ZFPM1: variants seen among roughly 807,000 people sequenced by gnomAD.
ZFPM1 encodes zinc finger protein ZFPM1.
Under a neutral mutation model 46.3 loss-of-function variants are expected in ZFPM1, and 28 were observed. That is an observed-to-expected ratio of 0.60 (90% CI 0.45 to 0.83). The LOEUF (loss-of-function observed/expected upper bound fraction) is 0.83. Ranked by LOEUF, ZFPM1 falls within the 40% of genes least tolerant of loss-of-function variation. The pLI is 0.00. For missense variants in ZFPM1, 1,878 were observed against 1,432.4 expected, an observed-to-expected ratio of 1.31 and a Z score of -5.02; for synonymous variants, 957 against 675.9, an observed-to-expected ratio of 1.42 and a Z score of -6.45.
At chr16:88,510,457 T>C (rs1325255470) in intron 3 of ZFPM1, among the ~76,000 whole-genome samples, 1 of 152,218 alleles carries the variant, frequency 6.6e-6, no homozygotes, top group Non-Finnish European at 1.5e-5. Flanking sequence ...CTTTCAATCA[T>C]ATAAATATGC....
chr16:88,501,336 G>GA (rs1322964472), intron 3 of ZFPM1, among the ~76,000 whole-genome samples: 4 of 53,572 alleles, frequency 7.5e-5, no homozygotes, highest in African/African-American at 2.2e-4. Context: ...CATGGGTGCG[G>GA]GGCCCTCCCG....
chr16:88,455,469 A>T (rs1247935099), intron 1 of ZFPM1, among the ~76,000 whole-genome samples: 1 of 152,064 alleles, frequency 6.6e-6, no homozygotes, highest in African/African-American at 2.4e-5. Context: ...CCCATGGCAG[A>T]TCTCAGCACG....
intron 1 of ZFPM1, among the ~76,000 whole-genome samples, chr16:88,481,627 G>A (rs555086174): frequency 7.2e-5 from 11 of 151,910 alleles, no homozygotes; most frequent in East Asian, 1.9e-4. Flanking sequence ...TGCCACAGCC[G>A]TCACCGAGTC....
chr16:88,511,906 T>C (rs1910986347), intron 3 of ZFPM1, among the ~76,000 whole-genome samples: 1 of 152,092 alleles, frequency 6.6e-6, no homozygotes, highest in Non-Finnish European at 1.5e-5. Flanking sequence ...GGGAGATGGG[T>C]TGTCATGGTG....
At chr16:88,460,227 C>A (rs1907755431) in intron 1 of ZFPM1, among the ~76,000 whole-genome samples, 1 of 152,222 alleles carries the variant, frequency 6.6e-6, no homozygotes, top group African/African-American at 2.4e-5. Flanking sequence ...TGGGTCCAGG[C>A]AGCCAAGCGA....
intron 1 of ZFPM1, among the ~76,000 whole-genome samples, chr16:88,474,419 C>T (rs1048092363): frequency 4.6e-5 from 7 of 152,172 alleles, no homozygotes; most frequent in Admixed American, 1.3e-4. Flanking sequence ...AGGGACCCTA[C>T]CACAGTCTGA....
At chr16:88,507,185 C>T (rs1910709030) in intron 3 of ZFPM1, among the ~76,000 whole-genome samples, 1 of 152,184 alleles carries the variant, frequency 6.6e-6, no homozygotes, top group African/African-American at 2.4e-5. Context: ...CTCTCCCATG[C>T]CACTTGCTGG....
Position 88,532,068 on chromosome 16 carries a change from T to A in ZFPM1, c.779T>A (p.Leu260Gln). ...YRSERNLQAH[L>Q]LYYCASRQGT... ...AGCGAGCGCAACCTGCAGGCGCACC[T>A]GCTCTACTACTGCGCCAGCCGCCAG... Residue 260 changes from leucine (L) to glutamine (Q), a missense_variant, in exon 7 of 10, where the codon CTG (leucine) becomes CAG (glutamine). Leu to Gln is a moderately radical substitution (Grantham distance 113, BLOSUM62 -2). Transcript: ENST00000319555. The A allele has an allele frequency of 1.9e-6, 3 of 1,612,466 alleles. No individual in the cohort carries two copies. Among genetic ancestry groups the A allele is most frequent in the Non-Finnish European group, 2.5e-6 (3 of 1,179,724 alleles).
At position 88,534,304 on chromosome 16, in the gene ZFPM1, C is replaced by T; in HGVS notation, c.2346C>T (p.Ala782=). Residue 782 remains alanine (A), a synonymous_variant, in exon 10 of 10, where the codon GCC becomes GCT. Transcript: ENST00000319555. ...GAAGCGGAAGCGGCCCCGGCCTCGC[C>T]CCTGCGCGCTCGCCCGGCCCCGCGG... The part of the protein sequence containing the change: ...GSGSGSGPGL[A]PARSPGPAAD... 8 of 1,296,536 alleles carry T rather than the reference C, an allele frequency of 6.2e-6. No homozygotes were observed. The highest frequency in any genetic ancestry group is 7.8e-6 in the Non-Finnish European group (8 of 1,022,700). The allele number at this position is 1,296,536 out of a possible 1,614,324, so 80.3% of individuals were successfully genotyped here.
At chr16:88,455,138 T>G (rs201791676) in intron 1 of ZFPM1, among the ~76,000 whole-genome samples, 1 of 132,034 alleles carries the variant, frequency 7.6e-6, no homozygotes, top group Non-Finnish European at 1.6e-5. Flanking sequence ...CTGGGGTGTG[T>G]GTGTGTGTGT....
intron 8 of ZFPM1, 35 bp from the exon 9 acceptor site, chr16:88,532,754 G>T: frequency 6.2e-7 from 1 of 1,612,804 alleles, no homozygotes; most frequent in Non-Finnish European, 8.5e-7. Context: ...CCGCCTCCCC[G>T]CCCTGGGCCT....
chr16:88,510,391 C>T (rs1227729576), intron 3 of ZFPM1, among the ~76,000 whole-genome samples: 4 of 152,358 alleles, frequency 2.6e-5, no homozygotes, highest in Non-Finnish European at 5.9e-5. Flanking sequence ...TCCTCGGTCC[C>T]CCACTGCTTC....
intron 1 of ZFPM1, among the ~76,000 whole-genome samples, chr16:88,479,856 C>CCCCCCGCTGCCA (rs1908852781): frequency 7.3e-6 from 1 of 137,138 alleles, no homozygotes; most frequent in Non-Finnish European, 1.6e-5. Context: ...TCCCTCCCTC[C>CCCCCCGCTGCCA]CCCCCGCTGC....
chr16:88,464,126 G>C (rs1247938290), intron 1 of ZFPM1, among the ~76,000 whole-genome samples: 3 of 152,234 alleles, frequency 2.0e-5, no homozygotes, highest in Non-Finnish European at 2.9e-5. Flanking sequence ...AGTGGACAGA[G>C]GTGCTCTGTT....
chr16:88,513,997 C>T (rs923755829), intron 3 of ZFPM1, among the ~76,000 whole-genome samples: 1 of 152,218 alleles, frequency 6.6e-6, no homozygotes, highest in African/African-American at 2.4e-5. Flanking sequence ...AATATCAGCA[C>T]GTTCATAGAC....
intron 3 of ZFPM1, among the ~76,000 whole-genome samples, chr16:88,490,418 C>T (rs1361138350): frequency 6.6e-6 from 1 of 152,242 alleles, no homozygotes; most frequent in Non-Finnish European, 1.5e-5. Context: ...CGATGCAGAG[C>T]GCGCAAGCGG....
chr16:88,490,949 CAG>C (rs904917558), intron 3 of ZFPM1, among the ~76,000 whole-genome samples: 4 of 152,128 alleles, frequency 2.6e-5, no homozygotes, highest in Non-Finnish European at 5.9e-5. Flanking sequence ...CCCTTCTCCT[CAG>C]GGACACCAGG....
At chr16:88,527,383 C>G (rs1018976579) in intron 5 of ZFPM1, among the ~76,000 whole-genome samples, 1 of 152,202 alleles carries the variant, frequency 6.6e-6, no homozygotes, top group Non-Finnish European at 1.5e-5. Context: ...GCTGCTGCTA[C>G]TGAGGGTGGC....
intron 2 of ZFPM1, among the ~76,000 whole-genome samples, chr16:88,488,606 G>A (rs543876282): frequency 2.6e-5 from 4 of 152,228 alleles, no homozygotes; most frequent in South Asian, 2.1e-4. Context: ...GGATCGCATC[G>A]ATCGGGGCCG....
Sources: gnomAD v4.1 joint callset for allele counts (sites outside exome capture counted in the v4.1 genomes callset) on GRCh38, gnomAD v4.1.1 for gene constraint, MANE v1.5 for transcripts, NCBI Gene and HGNC (gene_info 2026-07-23, HGNC 2026-07-21) for gene names.